The following NACC2 variants were observed in gnomAD, a reference collection of about 807,000 sequenced individuals.
NACC2 encodes the protein nucleus accumbens-associated protein 2.
NACC2 carries 8 observed loss-of-function variants against 25.1 expected under a neutral mutation model. The ratio of observed to expected loss-of-function variants is 0.32; its 90% CI spans 0.19 to 0.57. NACC2 has a LOEUF of 0.57. Among genes scored for constraint, NACC2 ranks in the 20% least tolerant of loss-of-function variants. The probability of loss-of-function intolerance (pLI) is 0.89; values close to 1 mark genes in which losing one functional copy is unlikely to be tolerated. For synonymous variants in NACC2, 435 were observed against 294.7 expected, an observed-to-expected ratio of 1.48 and a Z score of -4.88; for missense variants, 644 against 650.2, an observed-to-expected ratio of 0.99 and a Z score of 0.10.
rs1003568399 is a variant in NACC2 at position 136,045,712 on chromosome 9, C to A, written c.886+3924G>T. On this transcript the variant is annotated intron_variant, in intron 2 of 5. Transcript: ENST00000277554. ...CTGCCATGCCACAGGTGCCCGTCCT[C>A]AGCTTGGGTGACAACGGCCACCCCC... Among the ~76,000 whole-genome samples the A allele has an allele frequency of 2.6e-3, 401 of 152,292 alleles. 15 individuals are homozygous for A. The South Asian group carries it at 0.076, about 29-fold the overall frequency.
chr9:136,024,474 C>A (rs916902863), intron 2 of NACC2, among the ~76,000 whole-genome samples: 1 of 83,576 alleles, frequency 1.2e-5, no homozygotes, highest in African/African-American at 4.9e-5. Context: ...ACAGAGGGTG[C>A]GTGTGAGGAC....
intron 1 of NACC2, among the ~76,000 whole-genome samples, chr9:136,075,189 A>C (rs532636680): frequency 9.8e-5 from 15 of 152,338 alleles, no homozygotes; most frequent in African/African-American, 2.9e-4. Flanking sequence ...AACGCCCCCC[A>C]CACACAGACT....
rs1230327778 is a variant in NACC2 at position 136,050,503 on chromosome 9, T to C, written c.19A>G (p.Ile7Val). The C allele has an allele frequency of 1.3e-6, 1 of 763,734 alleles. No homozygotes were observed. The highest frequency in any genetic ancestry group is 1.7e-5 in the Admixed American group (1 of 58,940). 47.3% of individuals were successfully genotyped at this position (763,734 alleles called of 1,614,324 possible). A position where few individuals can be genotyped will look rare whatever the true frequency, so the allele number is the denominator to read the frequency against. The part of the protein sequence containing the change: MSQMLH[I>V]EIPNFGNTVL... The stretch of plus-strand genomic sequence containing the variant: ...GTGTTCCCGAAGTTGGGGATCTCGA[T>C]GTGCAGCATCTGAGACATGGCGGGC... Residue 7 changes from isoleucine to valine, a missense_variant, in exon 2 of 6, where the codon ATC (isoleucine) becomes GTC (valine). Coordinates refer to ENST00000277554, the MANE Select transcript of NACC2 (RefSeq NM_144653.5).
At chr9:136,085,795 A>T (rs1034655212) in intron 1 of NACC2, among the ~76,000 whole-genome samples, 1 of 152,272 alleles carries the variant, frequency 6.6e-6, no homozygotes, top group Non-Finnish European at 1.5e-5. Flanking sequence ...CATCTGAAGC[A>T]AAGTCCCCAC....
Position 136,049,880 on chromosome 9 carries a change from G to A in NACC2, c.642C>T (p.Ala214=). The change falls in exon 2 of 6, where the codon GCC becomes GCT. Residue 214 remains alanine (A), a synonymous_variant. Transcript: ENST00000277554. ...AGGAGACACGGGGCAGTTTGAGAGG[G>A]GCTGTGCCCGCCGCCACCGCAGCCC... ...AAGAAVAAGT[A]PLKLPRVSYY... The A allele has an allele frequency of 1.6e-6, 1 of 608,806 alleles. No homozygotes were observed. The highest frequency in any genetic ancestry group is 3.0e-6 in the Non-Finnish European group (1 of 334,156). The allele number at this position is 608,806 out of a possible 1,614,324, so 37.7% of individuals were successfully genotyped here.
At chr9:136,090,880 AC>A (rs1830427462) in intron 1 of NACC2, among the ~76,000 whole-genome samples, 1 of 151,402 alleles carries the variant, frequency 6.6e-6, no homozygotes, top group East Asian at 2.0e-4. Flanking sequence ...TTTGCCGTTC[AC>A]CCCAGTGACT....
chr9:136,007,060 A>C lies in NACC2; in HGVS notation c.*4456T>G, dbSNP rs1840023382. ...TGCCATCCAAATCTTCAAGTCAAAA[A>C]TATTTATACATTTTATACTTAGTTC... On this transcript the variant is annotated 3_prime_UTR_variant, in exon 6 of 6. Transcript: ENST00000277554. 1 of 154,360 alleles carries C rather than the reference A, an allele frequency of 6.5e-6. No individual in the cohort carries two copies. The highest frequency in any genetic ancestry group is 6.5e-5 in the Admixed American group (1 of 15,280). The allele number at this position is 154,360 out of a possible 1,614,324, so 9.6% of individuals were successfully genotyped here.
chr9:136,012,652 GT>G (rs540279008), intron 5 of NACC2, among the ~76,000 whole-genome samples: 11,043 of 133,178 alleles, frequency 0.083, 250 homozygotes, highest in Middle Eastern at 0.17. Flanking sequence ...GCCTCACAAG[GT>G]TTTTTTTTTT....
At chr9:136,038,117 G>A (rs992831845) in intron 2 of NACC2, among the ~76,000 whole-genome samples, 1 of 152,216 alleles carries the variant, frequency 6.6e-6, no homozygotes, top group Non-Finnish European at 1.5e-5. Flanking sequence ...CCAGGAAACA[G>A]ATTAGCGGTG....
At chr9:136,034,865 G>A (rs1452872994) in intron 2 of NACC2, among the ~76,000 whole-genome samples, 7 of 152,088 alleles carry the variant, frequency 4.6e-5, no homozygotes, top group South Asian at 2.1e-4. Flanking sequence ...AGGCACTGGC[G>A]GGCCGATCAC....
intron 2 of NACC2, among the ~76,000 whole-genome samples, chr9:136,031,430 C>T (rs773167548): frequency 3.8e-4 from 58 of 152,220 alleles, no homozygotes; most frequent in Middle Eastern, 3.4e-3. Flanking sequence ...CTCTGCCTCC[C>T]GGGTTCGAGC....
Position 136,013,523 on chromosome 9 carries a change from G to A in NACC2, c.1158-227C>T, listed in dbSNP as rs1405577796. On this transcript the variant is annotated intron_variant, in intron 4 of 5. Coordinates refer to ENST00000277554, the MANE Select transcript of NACC2 (RefSeq NM_144653.5). The surrounding 1 kb of genome is among the most constrained non-coding windows in gnomAD (Gnocchi z 6.6). ...GGGTGATGGGGCTGCAAGGTGACCTGAGCCTTGTCCTCAGGGACTCCGGGG... is the reference window on the plus strand; with the variant it reads ...GGGTGATGGGGCTGCAAGGTGACCTAAGCCTTGTCCTCAGGGACTCCGGGG... 6.6e-6 allele frequency among the ~76,000 whole-genome samples: 1 copy of A among 152,236 alleles called. No individual in the cohort carries two copies.
rs749147235 is a variant in NACC2 at position 136,016,371 on chromosome 9, G to A, written c.945C>T (p.Arg315=). ...GGCTGGCAGGTAGGGCCACGAGGTCGCGGCGGATGAGGACGCAGGAGCGGC... is the reference window on the plus strand; with the variant it reads ...GGCTGGCAGGTAGGGCCACGAGGTCACGGCGGATGAGGACGCAGGAGCGGC... ...LESRSCVLIR[R]DLVALPASLI... Residue 315 remains arginine (R), a synonymous_variant, in exon 3 of 6, where the codon CGC becomes CGT. Coordinates refer to ENST00000277554, the MANE Select transcript of NACC2 (RefSeq NM_144653.5). 4.3e-5 allele frequency: 69 copies of A among 1,611,742 alleles called. No individual in the cohort carries two copies. The highest frequency in any genetic ancestry group is 5.4e-5 in the Non-Finnish European group (64 of 1,179,962).
At chr9:136,087,225 A>C (rs371243506) in intron 1 of NACC2, among the ~76,000 whole-genome samples, 17 of 152,312 alleles carry the variant, frequency 1.1e-4, no homozygotes, top group African/African-American at 3.8e-4. Context: ...AGCCCTGAAG[A>C]TGCACAGAGT....
At position 136,092,113 on chromosome 9, in the gene NACC2, CAA is replaced by C. The variant is rs539079958; in HGVS notation, c.-60+3074_-60+3075del. 1.1e-3 allele frequency among the ~76,000 whole-genome samples: 169 copies of C among 152,326 alleles called. No homozygotes were observed. In the Middle Eastern group the frequency reaches 0.02, roughly 18 times the overall value. On this transcript the variant is annotated intron_variant, in intron 1 of 5. Coordinates refer to ENST00000277554, the MANE Select transcript of NACC2 (RefSeq NM_144653.5). ...TCTGAACTGGGGCCCAGTGGGGAGA[CAA>C]GAGTAGAGAAACGCTGGCCAAGCTC...
In NACC2 at chr9:136,022,456, C is replaced by T. The variant is rs960887170; in HGVS notation, c.887-6027G>A. On this transcript the variant is annotated intron_variant, in intron 2 of 5. Transcript: ENST00000277554. The surrounding 1 kb of genome is among the most constrained non-coding windows in gnomAD (Gnocchi z 4.4). ...CCTCCTGATGGCCAGAGCCCAGGGC[C>T]GGCTGTGGGGCCAACTGGTGCAGAC... is the stretch of plus-strand genomic sequence containing the variant. 5.3e-5 allele frequency among the ~76,000 whole-genome samples: 8 copies of T among 152,228 alleles called. No homozygotes were observed. The highest frequency in any genetic ancestry group is 1.3e-4 in the Admixed American group (2 of 15,286).
intron 1 of NACC2, among the ~76,000 whole-genome samples, chr9:136,079,016 C>T (rs1159239041): frequency 6.6e-6 from 1 of 152,130 alleles, no homozygotes; most frequent in Non-Finnish European, 1.5e-5. Context: ...CGAGGGAGCA[C>T]TGAAGGTAAA....
intron 2 of NACC2, among the ~76,000 whole-genome samples, chr9:136,023,679 C>T (rs527649683): frequency 6.6e-6 from 1 of 152,230 alleles, no homozygotes; most frequent in Non-Finnish European, 1.5e-5. Flanking sequence ...TCCATCCACA[C>T]GTTTCTCAGA....
chr9:136,023,598 C>T (rs1840330979), intron 2 of NACC2, among the ~76,000 whole-genome samples: 1 of 152,188 alleles, frequency 6.6e-6, no homozygotes, highest in African/African-American at 2.4e-5. Context: ...CCCAAGTGGT[C>T]CAGGCCTCCG....
Sources: allele counts gnomAD v4.1 joint callset (sites outside exome capture counted in the v4.1 genomes callset), GRCh38; gene constraint gnomAD v4.1.1; non-coding constraint Gnocchi (gnomAD v3.1); transcripts MANE v1.5; gene names NCBI Gene and HGNC (gene_info 2026-07-23, HGNC 2026-07-21).